The following FREM3 variants were observed in gnomAD, a reference collection of about 807,000 sequenced individuals.
The protein encoded by FREM3 is FRAS1-related extracellular matrix protein 3.
A neutral mutation model predicts 129.1 loss-of-function variants in FREM3; 105 were observed. The ratio of observed to expected loss-of-function variants is 0.81; its 90% CI spans 0.69 to 0.96. The LOEUF (loss-of-function observed/expected upper bound fraction) is 0.96. FREM3 is among the 40% of genes least tolerant of loss of function. The pLI is 0.00. For synonymous variants in FREM3, 1,014 were observed against 1,044.9 expected, an observed-to-expected ratio of 0.97 and a Z score of 0.57; for missense variants, 2,593 against 2,666.3, an observed-to-expected ratio of 0.97 and a Z score of 0.61.
At position 143,700,576 on chromosome 4, in the gene FREM3, A is replaced by G; in HGVS notation, c.100T>C (p.Ser34Pro). 12 of 1,498,826 alleles carry G rather than the reference A, an allele frequency of 8.0e-6. No homozygotes were observed. The highest frequency in any genetic ancestry group is 7.1e-6 in the Non-Finnish European group (8 of 1,125,482). 92.8% of individuals were successfully genotyped at this position (1,498,826 alleles called of 1,614,324 possible). Reference sequence around the variant, plus strand: ...GGGTCGGGCTCGGTCCCAAGTGAGGATGCCCGTCCCTGCAGCGCGGGGCGA... The same window carrying G: ...GGGTCGGGCTCGGTCCCAAGTGAGGGTGCCCGTCCCTGCAGCGCGGGGCGA... Reference protein sequence around the residue: ...LSRPALQGRASSLGTEPDPAL... With the variant: ...LSRPALQGRAPSLGTEPDPAL... Residue 34 changes from serine (S) to proline (P), a missense_variant, in exon 1 of 8, where the codon TCC becomes CCC. Around this residue, in one of 2 missense-constraint regions of FREM3, gnomAD observed 2,276 missense variants for 2,267.2 expected, o/e 1.00. Transcript: ENST00000329798.
chr4:143,611,702 C>T (rs1361161525), intron 5 of FREM3, among the ~76,000 whole-genome samples, 175 bp from the exon 6 acceptor site: 1 of 152,134 alleles, frequency 6.6e-6, no homozygotes, highest in Non-Finnish European at 1.5e-5. Flanking sequence ...GGAATAGACT[C>T]TGGTATTTTG....
At chr4:143,636,632 T>C (rs1739237939) in intron 2 of FREM3, among the ~76,000 whole-genome samples, 1 of 152,106 alleles carries the variant, frequency 6.6e-6, no homozygotes, top group Non-Finnish European at 1.5e-5. Context: ...AGACATCAAG[T>C]ATTTTACCTA....
Position 143,698,360 on chromosome 4 carries a change from G to C in FREM3, c.2316C>G (p.Ile772Met), listed in dbSNP as rs770690538. The change falls in exon 1 of 8, where the codon ATC becomes ATG. Residue 772 changes from isoleucine (I) to methionine (M), a missense_variant. By Grantham distance (10) the Ile-to-Met change is conservative (BLOSUM62 1). This residue lies in a region of FREM3 where 2,276 missense variants were observed against 2,267.2 expected (regional missense o/e 1.00). Transcript: ENST00000329798. ...TTACCTGGGCTTGGGTAAAGTGCATGATGAGTGTGTCTGGTGAATCAGTGA... is the reference window on the plus strand; with the variant it reads ...TTACCTGGGCTTGGGTAAAGTGCATCATGAGTGTGTCTGGTGAATCAGTGA... Reference protein sequence around the residue: ...IVLTDSPDTLIMHFTQAQVNQ... With the variant: ...IVLTDSPDTLMMHFTQAQVNQ... The C allele has an allele frequency of 5.2e-6, 8 of 1,537,944 alleles. No individual in the cohort carries two copies. In the South Asian group the frequency reaches 7.1e-5, roughly 14 times the overall value.
intron 2 of FREM3, among the ~76,000 whole-genome samples, chr4:143,678,843 G>A (rs1740197020): frequency 6.6e-6 from 1 of 151,942 alleles, no homozygotes; most frequent in African/African-American, 2.4e-5. Context: ...ATCCATTTGT[G>A]CTAGTTTATT....
chr4:143,607,182 G>A (rs1037883205), intron 6 of FREM3, among the ~76,000 whole-genome samples: 10 of 152,010 alleles, frequency 6.6e-5, no homozygotes, highest in South Asian at 2.1e-4. Context: ...AGGCTAATTC[G>A]CAATCCCATT....
At chr4:143,658,899 C>T (rs72940243) in intron 2 of FREM3, among the ~76,000 whole-genome samples, 7,752 of 151,930 alleles carry the variant, frequency 0.051, 462 homozygotes, top group East Asian at 0.19. Context: ...TACAAAGTTA[C>T]GGTGAATTCA....
At chr4:143,647,623 C>CTGTATG (rs1739441869) in intron 2 of FREM3, among the ~76,000 whole-genome samples, 2 of 152,200 alleles carry the variant, frequency 1.3e-5, no homozygotes, top group African/African-American at 4.8e-5. Flanking sequence ...CAGGCCATTG[C>CTGTATG]TTCAGAGGGT....
chr4:143,683,644 C>A (rs972225438), intron 2 of FREM3, among the ~76,000 whole-genome samples: 1 of 152,174 alleles, frequency 6.6e-6, no homozygotes, highest in Non-Finnish European at 1.5e-5. Context: ...ACAATTTGAA[C>A]GGGGTGAGAA....
chr4:143,598,442 A>G (rs1738519777), intron 6 of FREM3, among the ~76,000 whole-genome samples: 1 of 152,182 alleles, frequency 6.6e-6, no homozygotes, highest in African/African-American at 2.4e-5. Flanking sequence ...TCTCAGTAAT[A>G]GCTTCTGGAC....
intron 2 of FREM3, among the ~76,000 whole-genome samples, chr4:143,678,143 A>G (rs1174678069): frequency 6.6e-6 from 1 of 152,246 alleles, no homozygotes; most frequent in Non-Finnish European, 1.5e-5. Flanking sequence ...ACCAATGCCA[A>G]TGTCCAACAA....
At chr4:143,694,328 G>A (rs1740527556) in intron 1 of FREM3, among the ~76,000 whole-genome samples, 1 of 152,120 alleles carries the variant, frequency 6.6e-6, no homozygotes, top group Non-Finnish European at 1.5e-5. Context: ...TGACATAACT[G>A]TGGATACTCA....
chr4:143,577,929 T>C (rs1738069306), intron 7 of FREM3, 77 bp from the exon 8 acceptor site: 1 of 1,416,198 alleles, frequency 7.1e-7, no homozygotes, highest in Non-Finnish European at 9.4e-7. Flanking sequence ...ATGAGAGCTC[T>C]CACCAACTCT....
intron 2 of FREM3, among the ~76,000 whole-genome samples, chr4:143,666,699 G>A (rs1216943860): frequency 2.0e-5 from 3 of 152,042 alleles, no homozygotes; most frequent in Non-Finnish European, 4.4e-5. Flanking sequence ...GACATAAAGT[G>A]GATTAGAGGT....
At chr4:143,612,908 C>T (rs1347843689) in intron 5 of FREM3, among the ~76,000 whole-genome samples, 3 of 152,190 alleles carry the variant, frequency 2.0e-5, no homozygotes, top group Non-Finnish European at 4.4e-5. Flanking sequence ...AGATTCTGGA[C>T]TGGATGCTCC....
At chr4:143,590,434 G>T (rs1219425800) in intron 6 of FREM3, among the ~76,000 whole-genome samples, 1 of 152,182 alleles carries the variant, frequency 6.6e-6, no homozygotes, top group Non-Finnish European at 1.5e-5. Context: ...TTTATTGAGA[G>T]TTTTTAGCAT....
At chr4:143,680,757 A>C (rs1367707715) in intron 2 of FREM3, among the ~76,000 whole-genome samples, 1 of 152,124 alleles carries the variant, frequency 6.6e-6, no homozygotes, top group Non-Finnish European at 1.5e-5. Flanking sequence ...CTTGCTTTTG[A>C]ATTATCATAT....
intron 2 of FREM3, among the ~76,000 whole-genome samples, chr4:143,652,255 C>T (rs1273099624): frequency 1.7e-5 from 1 of 57,466 alleles, no homozygotes; most frequent in South Asian, 6.2e-4. Flanking sequence ...CTCCGCTTCC[C>T]GGGTTCACGC....
rs1042558116 is a variant in FREM3, at chr4:143,621,158, T to G, written c.5658A>C (p.Ser1886=). Residue 1886 remains serine (S), a synonymous_variant, in exon 5 of 8, where the codon TCA becomes TCC. Coordinates refer to ENST00000329798, the MANE Select transcript of FREM3 (RefSeq NM_001168235.2). The stretch of plus-strand genomic sequence containing the variant: ...ATTCCGCCTCTGGAATATAAACTGT[T>G]GATTCTAGAAAAGATGGCAGAAGAC... The part of the protein sequence containing the change: ...TVEIVDPGDE[S]TVYIPEAEYK... 7.2e-6 allele frequency: 11 copies of G among 1,536,952 alleles called. No individual in the cohort carries two copies. The highest frequency in any genetic ancestry group is 2.7e-5 in the African/African-American group (2 of 73,038).
rs1740566127 is a variant in FREM3, at chr4:143,696,260, G to C, written c.4416C>G (p.His1472Gln). ...FSITRAPSLGHLESSDYAGEP... is the reference protein window; with the variant it reads ...FSITRAPSLGQLESSDYAGEP... ...CCCCAGCATAGTCAGAACTTTCTAA[G>C]TGACCCAGGCTTGGAGCCCGTGTAA... The change falls in exon 1 of 8, where the codon CAC becomes CAG. Residue 1472 changes from histidine (H) to glutamine (Q), a missense_variant. His to Gln is a conservative substitution (Grantham distance 24, BLOSUM62 0). Coordinates refer to ENST00000329798, the MANE Select transcript of FREM3 (RefSeq NM_001168235.2). 5.2e-5 allele frequency: 80 copies of C among 1,537,820 alleles called. No individual in the cohort carries two copies. The highest frequency in any genetic ancestry group is 1.7e-4 in the Middle Eastern group (1 of 5,994).
Sources: gnomAD v4.1 joint callset for allele counts (sites outside exome capture counted in the v4.1 genomes callset) on GRCh38, gnomAD v4.1.1 for gene constraint, gnomAD v4.1.1 regional missense constraint, MANE v1.5 for transcripts, NCBI Gene and HGNC (gene_info 2026-07-23, HGNC 2026-07-21) for gene names.